Variants in COL24A1 observed in about 807,000 individuals in gnomAD.
COL24A1 encodes the protein collagen alpha-1(XXIV) chain.
Under a neutral mutation model 253.9 loss-of-function variants are expected in COL24A1, and 224 were observed. That is an observed-to-expected ratio of 0.88 (90% CI 0.79 to 0.99). COL24A1 has a LOEUF of 0.99. Among genes scored for constraint, COL24A1 ranks in the 50% least tolerant of loss-of-function variants. The probability of loss-of-function intolerance (pLI) is 0.00; values close to 1 mark genes in which losing one functional copy is unlikely to be tolerated. For missense variants in COL24A1, 2,131 were observed against 2,068.5 expected, an observed-to-expected ratio of 1.03 and a Z score of -0.59; for synonymous variants, 685 against 673.7, an observed-to-expected ratio of 1.02 and a Z score of -0.26.
intron 37 of COL24A1, among the ~76,000 whole-genome samples, chr1:85,864,617 A>T (rs1450660041): frequency 6.6e-6 from 1 of 152,188 alleles, no homozygotes; most frequent in Non-Finnish European, 1.5e-5. Flanking sequence ...TTCTTTTCTA[A>T]CTATTGATAA....
At chr1:86,022,797 T>C in intron 16 of COL24A1, 36 bp downstream of exon 16, 1 of 1,365,652 alleles carries the variant, frequency 7.3e-7, no homozygotes, top group Non-Finnish European at 9.6e-7. Flanking sequence ...ACAAATGTGA[T>C]AAAAATTATT....
chr1:86,056,573 AGGCCGGGCCTGGT>A (rs1318363676), intron 10 of COL24A1, among the ~76,000 whole-genome samples: 2 of 152,116 alleles, frequency 1.3e-5, no homozygotes, highest in Non-Finnish European at 2.9e-5. Context: ...AAGGCATGTT[AGGCCGGGCCTGGT>A]GGCTCACTCC....
At chr1:85,853,989 T>C (rs2102368704) in intron 37 of COL24A1, among the ~76,000 whole-genome samples, 2 of 152,342 alleles carry the variant, frequency 1.3e-5, no homozygotes, top group Admixed American at 1.3e-4. Context: ...TTGTCAAGTT[T>C]TGTTTTTGAT....
chr1:86,075,102 G>T (rs1211358425), intron 7 of COL24A1, among the ~76,000 whole-genome samples: 1 of 151,968 alleles, frequency 6.6e-6, no homozygotes, highest in African/African-American at 2.4e-5. Flanking sequence ...GAATCTAGGA[G>T]CTGGTTTCTA....
intron 32 of COL24A1, among the ~76,000 whole-genome samples, chr1:85,885,179 AT>A (rs1558526438): frequency 7.0e-6 from 1 of 142,206 alleles, no homozygotes; most frequent in Non-Finnish European, 1.6e-5. Context: ...AATTCCTTAC[AT>A]TTCATACCAG....
intron 47 of COL24A1, among the ~76,000 whole-genome samples, chr1:85,809,047 G>A (rs1281825305): frequency 6.6e-6 from 1 of 152,188 alleles, no homozygotes; most frequent in East Asian, 1.9e-4. Flanking sequence ...GGTGGAGTCA[G>A]TCAGAAAGGT....
chr1:85,773,495 T>C (rs6697548), intron 53 of COL24A1, among the ~76,000 whole-genome samples: 35,439 of 152,150 alleles, frequency 0.23, 4,727 homozygotes, highest in Admixed American at 0.3. Context: ...ATTCTTCCTA[T>C]TCATGAGCAT....
At chr1:86,097,896 G>C (rs561686198) in intron 5 of COL24A1, among the ~76,000 whole-genome samples, 1 of 152,214 alleles carries the variant, frequency 6.6e-6, no homozygotes, top group African/African-American at 2.4e-5. Context: ...CCACTTGGAT[G>C]TTAAATAGTG....
chr1:85,909,557 T>A (rs1685170666), intron 26 of COL24A1, among the ~76,000 whole-genome samples: 1 of 151,870 alleles, frequency 6.6e-6, no homozygotes, highest in South Asian at 2.1e-4. Flanking sequence ...CATGGAAGAA[T>A]GGCAGTGCTG....
At chr1:85,959,275 T>C (rs1690782557) in intron 24 of COL24A1, among the ~76,000 whole-genome samples, 1 of 152,112 alleles carries the variant, frequency 6.6e-6, no homozygotes, top group African/African-American at 2.4e-5. Flanking sequence ...AAACTTGATA[T>C]AGGCAGTAAT....
chr1:85,772,031 T>G (rs370714744), intron 53 of COL24A1, among the ~76,000 whole-genome samples: 5 of 143,950 alleles, frequency 3.5e-5, no homozygotes, highest in African/African-American at 1.3e-4. Context: ...TTCCCACCTA[T>G]GAGTGAGAAT....
chr1:86,019,671 T>C (rs1320003824), intron 18 of COL24A1, among the ~76,000 whole-genome samples: 8 of 152,072 alleles, frequency 5.3e-5, no homozygotes. Flanking sequence ...TATCTTATCT[T>C]CGGCCCAAAG....
intron 55 of COL24A1, among the ~76,000 whole-genome samples, chr1:85,757,631 A>AAT (rs1178851739): frequency 1.3e-5 from 2 of 152,124 alleles, no homozygotes; most frequent in African/African-American, 4.8e-5. Context: ...GCCACTCAAA[A>AAT]ATTTTCTTGA....
intron 28 of COL24A1, 151 bp from the exon 29 acceptor site, chr1:85,896,560 T>A: frequency 1.6e-6 from 1 of 626,364 alleles, no homozygotes; most frequent in Non-Finnish European, 2.8e-6. Flanking sequence ...CAGTGGCGCG[T>A]CTCGGCTCAC....
intron 28 of COL24A1, among the ~76,000 whole-genome samples, chr1:85,902,043 T>A (rs935423499): frequency 6.6e-6 from 1 of 152,166 alleles, no homozygotes; most frequent in African/African-American, 2.4e-5. Context: ...TGGAATAATT[T>A]GTAGGAACAT....
At chr1:85,909,003 T>G (rs1685116500) in intron 26 of COL24A1, among the ~76,000 whole-genome samples, 1 of 151,788 alleles carries the variant, frequency 6.6e-6, no homozygotes, top group Non-Finnish European at 1.5e-5. Flanking sequence ...ATATATGTTG[T>G]GTTATATAGG....
At chr1:85,910,942 G>C (rs566466072) in intron 25 of COL24A1, among the ~76,000 whole-genome samples, 4 of 151,626 alleles carry the variant, frequency 2.6e-5, no homozygotes, top group Admixed American at 1.3e-4. Context: ...TGAAGAAACA[G>C]AGGGAAGGAG....
chr1:85,824,022 C>T (rs1225178388), intron 43 of COL24A1, among the ~76,000 whole-genome samples: 1 of 151,892 alleles, frequency 6.6e-6, no homozygotes, highest in African/African-American at 2.4e-5. Flanking sequence ...ATGTCCCAAT[C>T]CCCAGAATCT....
chr1:85,736,027 C>T (rs1431546674), intron 58 of COL24A1: 1 of 222,828 alleles, frequency 4.5e-6, no homozygotes, highest in African/African-American at 2.3e-5. Flanking sequence ...AGATTAGAGT[C>T]AGAAACTTGC....
Sources: allele counts gnomAD v4.1 joint callset (sites outside exome capture counted in the v4.1 genomes callset), GRCh38; gene constraint gnomAD v4.1.1; transcripts MANE v1.5; gene names NCBI Gene and HGNC (gene_info 2026-07-23, HGNC 2026-07-21).